ZMYM2: variants seen among roughly 807,000 people sequenced by gnomAD.
The protein encoded by ZMYM2 is zinc finger MYM-type containing 2, also known as zinc finger MYM-type protein 2.
A neutral mutation model predicts 162.8 loss-of-function variants in ZMYM2; 56 were observed. The observed-to-expected ratio is 0.34, with a 90% CI of 0.28 to 0.43. ZMYM2 has a LOEUF of 0.43. Among genes scored for constraint, ZMYM2 ranks in the 20% least tolerant of loss-of-function variants. The probability of loss-of-function intolerance (pLI) is 1.00; values close to 1 mark genes in which losing one functional copy is unlikely to be tolerated. For missense variants in ZMYM2, 1,275 were observed against 1,621.8 expected (o/e 0.79, Z 3.67); for synonymous variants, 510 against 541.6 (o/e 0.94, Z 0.81).
chr13:20,058,946 ATC>A (rs773775746), intron 15 of ZMYM2: 2 of 596,228 alleles, frequency 3.4e-6, no homozygotes, highest in Non-Finnish European at 6.0e-6. Flanking sequence ...AAAAAATACT[ATC>A]TCGAAAATTT....
At chr13:20,076,546 AGTTTCTTGTTTATT>A (rs1424790495) in intron 21 of ZMYM2, among the ~76,000 whole-genome samples, 8 of 149,512 alleles carry the variant, frequency 5.4e-5, no homozygotes, top group African/African-American at 1.3e-4. Flanking sequence ...TTAGTTTGTG[AGTTTCTTGTTTATT>A]ATAGACAGTA....
At chr13:20,064,676 T>A in intron 19 of ZMYM2, 131 bp downstream of exon 19, 2 of 388,464 alleles carry the variant, frequency 5.1e-6, no homozygotes, top group Non-Finnish European at 8.3e-6. Flanking sequence ...TATTTTCTAT[T>A]TATATAGAAT....
At chr13:19,941,148 A>C in the ZMYM2 span, among the ~76,000 whole-genome samples, 3 of 152,036 alleles carry the variant, frequency 2.0e-5, no homozygotes, top group Non-Finnish European at 4.4e-5. Flanking sequence ...GTCTCTATAA[A>C]AAATACAAAA....
the ZMYM2 span, among the ~76,000 whole-genome samples, chr13:19,885,902 T>C: frequency 0.23 from 7,012 of 30,906 alleles, 2,292 homozygotes; most frequent in East Asian, 0.77. Context: ...TGTATACACA[T>C]ATATATGTAT....
rs1354784398 is a variant in ZMYM2 at position 20,006,442 on chromosome 13, T to C, written c.1368T>C (p.Tyr456=). ...KLCSDHCFNR[Y]RMANGLIMNC... is the part of the protein sequence containing the mutation. Reference sequence around the variant, plus strand: ...GCAGTGACCACTGCTTTAATAGATATAGAATGGCCAATGGTTTAATAATGA... The same window carrying C: ...GCAGTGACCACTGCTTTAATAGATACAGAATGGCCAATGGTTTAATAATGA... The change falls in exon 6 of 25, where the codon TAT becomes TAC. Residue 456 remains tyrosine, a synonymous_variant. Coordinates refer to ENST00000610343, the MANE Select transcript of ZMYM2 (RefSeq NM_197968.4). 22 of 1,611,006 alleles carry C rather than the reference T, an allele frequency of 1.4e-5. No individual in the cohort carries two copies. Among genetic ancestry groups the C allele is most frequent in the Middle Eastern group, 1.7e-4 (1 of 6,056 alleles).
At chr13:20,014,681 T>C (rs1951465820) in intron 6 of ZMYM2, among the ~76,000 whole-genome samples, 1 of 152,056 alleles carries the variant, frequency 6.6e-6, no homozygotes, top group South Asian at 2.1e-4. Context: ...ATCTTTATTA[T>C]TTCCTTTCTT....
intron 3 of ZMYM2, among the ~76,000 whole-genome samples, chr13:19,994,576 G>A (rs895070396): frequency 9.9e-5 from 15 of 151,766 alleles, no homozygotes; most frequent in Middle Eastern, 3.2e-3. Context: ...TGCAATCTCC[G>A]CCTCCTGTGT....
At chr13:20,025,020 C>T (rs1003646141) in intron 7 of ZMYM2, 4 of 213,702 alleles carry the variant, frequency 1.9e-5, no homozygotes, top group African/African-American at 9.0e-5. Flanking sequence ...GCTGAAAGAC[C>T]TTTTTCTTGA....
At chr13:19,916,684 A>AAG in the ZMYM2 span, among the ~76,000 whole-genome samples, 5 of 130,746 alleles carry the variant, frequency 3.8e-5, no homozygotes, top group Admixed American at 8.7e-5. Context: ...GACACAGGGC[A>AAG]GGGAACATCA....
chr13:19,897,775 A>G, the ZMYM2 span, among the ~76,000 whole-genome samples: 2 of 152,078 alleles, frequency 1.3e-5, no homozygotes, highest in Admixed American at 1.3e-4. Flanking sequence ...GTAATTGACC[A>G]TATAAAATCA....
the ZMYM2 span, among the ~76,000 whole-genome samples, chr13:19,937,952 T>C: frequency 2.0e-5 from 3 of 152,022 alleles, no homozygotes; most frequent in South Asian, 6.2e-4. Context: ...TCCATGACCC[T>C]ACAAAGGACA....
intron 12 of ZMYM2, among the ~76,000 whole-genome samples, chr13:20,050,697 C>T (rs746725864): frequency 2.0e-5 from 3 of 151,886 alleles, no homozygotes; most frequent in Non-Finnish European, 2.9e-5. Flanking sequence ...AAAGAAAAAT[C>T]TGTCTCAAGA....
At chr13:19,999,112 A>G (rs1201776903) in intron 3 of ZMYM2, among the ~76,000 whole-genome samples, 1 of 152,222 alleles carries the variant, frequency 6.6e-6, no homozygotes, top group African/African-American at 2.4e-5. Flanking sequence ...GTCCTCTAGC[A>G]TTAATAGTTA....
chr13:19,897,933 G>A, the ZMYM2 span, among the ~76,000 whole-genome samples: 1 of 152,040 alleles, frequency 6.6e-6, no homozygotes, highest in African/African-American at 2.4e-5. Context: ...ACAATTGATA[G>A]AACAACGAAT....
chr13:19,970,836 C>G (rs188636041), intron 2 of ZMYM2, among the ~76,000 whole-genome samples: 1 of 152,146 alleles, frequency 6.6e-6, no homozygotes, highest in African/African-American at 2.4e-5. Context: ...TGAGTATGAT[C>G]TGAGATTGTA....
chr13:19,884,707 T>C, the ZMYM2 span, among the ~76,000 whole-genome samples: 1 of 152,012 alleles, frequency 6.6e-6, no homozygotes, highest in Non-Finnish European at 1.5e-5. Context: ...TTGCGGCGGA[T>C]TCCTGGTCCA....
chr13:19,987,597 GTA>G (rs1454698448), intron 2 of ZMYM2, among the ~76,000 whole-genome samples: 30 of 146,890 alleles, frequency 2.0e-4, no homozygotes, highest in African/African-American at 6.8e-4. Flanking sequence ...GTGTGTGTGT[GTA>G]TAGGAAAGAT....
At chr13:19,981,855 T>TTAA (rs1957359562) in intron 2 of ZMYM2, among the ~76,000 whole-genome samples, 1 of 412 alleles carries the variant, frequency 2.4e-3, no homozygotes, top group African/African-American at 4.7e-3. Context: ...CTGTTCGTGG[T>TTAA]GCATGTCTAA....
At chr13:20,058,485 CCTT>C (rs963392440) in intron 14 of ZMYM2, 87 bp from the exon 15 acceptor site, 113 of 1,453,640 alleles carry the variant, frequency 7.8e-5, no homozygotes, top group Non-Finnish European at 9.5e-5. Flanking sequence ...TTGTGTGTTC[CCTT>C]CTTAGGACTG....
Sources: allele counts gnomAD v4.1 joint callset (sites outside exome capture counted in the v4.1 genomes callset), GRCh38; gene constraint gnomAD v4.1.1; transcripts MANE v1.5; gene names NCBI Gene and HGNC (gene_info 2026-07-23, HGNC 2026-07-21).